The following COBLL1 variants were observed in gnomAD, a reference collection of about 807,000 sequenced individuals.
The protein encoded by COBLL1 is cordon-bleu WH2 repeat protein like 1, also known as cordon-bleu protein-like 1.
Under a neutral mutation model 94.8 loss-of-function variants are expected in COBLL1, and 50 were observed. That is an observed-to-expected ratio of 0.53 (90% CI 0.42 to 0.67). The LOEUF is 0.67. Among genes scored for constraint, COBLL1 ranks in the 30% least tolerant of loss-of-function variants. The probability of loss-of-function intolerance (pLI) is 0.00; values close to 1 mark genes in which losing one functional copy is unlikely to be tolerated. For synonymous variants in COBLL1, 448 were observed against 473.8 expected (o/e 0.95, Z 0.71); for missense variants, 1,362 against 1,348.7 (o/e 1.01, Z -0.15).
chr2:164,769,162 G>GA (rs1244771125), intron 2 of COBLL1, among the ~76,000 whole-genome samples: 7 of 150,162 alleles, frequency 4.7e-5, no homozygotes, highest in African/African-American at 9.8e-5. Flanking sequence ...TCCTAATTTT[G>GA]AAAAAAAAAT....
chr2:164,764,513 G>A lies in COBLL1; in HGVS notation c.42-20638C>T, dbSNP rs768649388. ...ATATTATCCAGCTGTCCACTTGAAC[G>A]TCATCACCCAGTAGCAAAGAGCATG... On this transcript the variant is annotated intron_variant, in intron 2 of 13. Transcript: ENST00000652658. Among the ~76,000 whole-genome samples the A allele has an allele frequency of 5.3e-5, 8 of 152,186 alleles. No homozygotes were observed. The East Asian group carries it at 7.7e-4, about 15-fold the overall frequency.
intron 3 of COBLL1, among the ~76,000 whole-genome samples, chr2:164,734,131 T>C (rs1017353535): frequency 1.3e-5 from 2 of 151,542 alleles, no homozygotes; most frequent in African/African-American, 2.4e-5. Context: ...CTGTAGTTTA[T>C]GAAGTTTATG....
chr2:164,775,485 T>C (rs1326402285), intron 2 of COBLL1, among the ~76,000 whole-genome samples: 1 of 152,124 alleles, frequency 6.6e-6, no homozygotes, highest in Non-Finnish European at 1.5e-5. Flanking sequence ...GTTTTTAAAA[T>C]GGAGTCTCAC....
At position 164,682,628 on chromosome 2, in the gene COBLL1, A is replaced by G. The variant is rs1683089324; in HGVS notation, c.*3318T>C. On this transcript the variant is annotated 3_prime_UTR_variant, in exon 14 of 14. Transcript: ENST00000652658. Reference sequence around the variant, plus strand: ...AAGGGTCACTCCTCAAAGAATAGGGAGTATATTAGGCAAATAATACCTGTT... The same window carrying G: ...AAGGGTCACTCCTCAAAGAATAGGGGGTATATTAGGCAAATAATACCTGTT... The G allele has an allele frequency of 6.6e-6, 1 of 152,206 alleles. No individual in the cohort carries two copies. The highest frequency in any genetic ancestry group is 2.4e-5 in the African/African-American group (1 of 41,460). The allele number at this position is 152,206 out of a possible 1,614,324, so 9.4% of individuals were successfully genotyped here.
intron 5 of COBLL1, among the ~76,000 whole-genome samples, chr2:164,727,406 G>A (rs1685769369): frequency 6.6e-6 from 1 of 151,982 alleles, no homozygotes; most frequent in South Asian, 2.1e-4. Flanking sequence ...CATTATCTAA[G>A]ATCTCCAAAT....
chr2:164,823,226 ATACTG>A lies in COBLL1; in HGVS notation c.41+17925_41+17929del, dbSNP rs369795263. ...ATTACTCCGTAAGTATAATTTCCAT[ATACTG>A]TATAGTAATATTTTCAATACAATTG... On this transcript the variant is annotated intron_variant, in intron 2 of 13. Transcript: ENST00000652658. 9.9e-5 allele frequency among the ~76,000 whole-genome samples: 15 copies of A among 152,252 alleles called. No homozygotes were observed. In the East Asian group the frequency reaches 2.5e-3, roughly 25 times the overall value.
At position 164,841,696 on chromosome 2, in the gene COBLL1, C is replaced by T. The variant is rs1683632241; in HGVS notation, c.-51+14G>A. 1 of 455,348 alleles carries T rather than the reference C, an allele frequency of 2.2e-6. No homozygotes were observed. The highest frequency in any genetic ancestry group is 3.8e-5 in the South Asian group (1 of 26,294). 28.2% of individuals were successfully genotyped at this position (455,348 alleles called of 1,614,324 possible). ...GGGAGGGCTGATCTCTCTTTTCCCA[C>T]CCAAGGCTCCTACGTTCTTTTCCAA... On this transcript the variant is annotated intron_variant, in intron 1 of 13. Transcript: ENST00000652658. This position sits in a 1 kb window ranked among gnomAD's most constrained non-coding sequence, Gnocchi z 5.5.
chr2:164,842,004 G>T, upstream of COBLL1: 1 of 1,540,116 alleles, frequency 6.5e-7, no homozygotes. Flanking sequence ...CGCCGCCTCT[G>T]CAGCACGGCC....
chr2:164,730,922 GT>G (rs1464106943), intron 3 of COBLL1, among the ~76,000 whole-genome samples: 2 of 152,182 alleles, frequency 1.3e-5, no homozygotes, highest in African/African-American at 4.8e-5. Flanking sequence ...TCATCCAAAG[GT>G]TATGAATATT....
In COBLL1 at chr2:164,695,212, G is replaced by T. The variant is rs753500318; in HGVS notation, c.2180C>A (p.Pro727His). The T allele has an allele frequency of 2.5e-6, 4 of 1,613,816 alleles. No homozygotes were observed. Among genetic ancestry groups the T allele is most frequent in the Non-Finnish European group, 1.7e-6 (2 of 1,179,922 alleles). The change falls in exon 12 of 14, where the codon CCC becomes CAC. Residue 727 changes from proline (P) to histidine (H), a missense_variant. Coordinates refer to ENST00000652658, the MANE Select transcript of COBLL1 (RefSeq NM_001365672.2). ...TTTATAAGTAGTCATGCCAATTTTG[G>T]GTATATACTCTCGTGTAATTTCATT... is the stretch of plus-strand genomic sequence containing the variant. Reference protein sequence around the residue: ...PSNEITREYIPKIGMTTYKIV... With the variant: ...PSNEITREYIHKIGMTTYKIV...
At chr2:164,705,461 T>G (rs1000563055) in intron 7 of COBLL1, 1 of 161,174 alleles carries the variant, frequency 6.2e-6, no homozygotes, top group East Asian at 1.7e-4. Flanking sequence ...ATTTGTATAG[T>G]AGTATTTGGC....
intron 2 of COBLL1, among the ~76,000 whole-genome samples, chr2:164,838,869 T>C (rs1292646286): frequency 6.6e-6 from 1 of 152,226 alleles, no homozygotes; most frequent in African/African-American, 2.4e-5. Context: ...AATTATAACA[T>C]ATTAAGATTT....
rs752024666 is a variant in COBLL1, at chr2:164,695,092, T to A, written c.2300A>T (p.Lys767Met). 1.2e-5 allele frequency: 20 copies of A among 1,613,634 alleles called. No individual in the cohort carries two copies. The highest frequency in any genetic ancestry group is 1.7e-5 in the Admixed American group (1 of 59,966). The change falls in exon 12 of 14, where the codon AAG (lysine) becomes ATG (methionine). Residue 767 changes from lysine to methionine, a missense_variant. Physicochemically the swap from Lys to Met is moderately conservative, Grantham distance 95. Coordinates refer to ENST00000652658, the MANE Select transcript of COBLL1 (RefSeq NM_001365672.2). ...DDQDMHALGK[K>M]HTHENVKETA... ...TTCTTTCACATTCTCATGAGTGTGC[T>A]TTTTCCCTAAAGCATGCATGTCCTG... is the stretch of plus-strand genomic sequence containing the variant.
chr2:164,730,906 C>A (rs932165508), intron 3 of COBLL1, among the ~76,000 whole-genome samples: 4 of 152,140 alleles, frequency 2.6e-5, no homozygotes, highest in East Asian at 1.9e-4. Context: ...AGTACAAATT[C>A]TTTAATCATC....
intron 2 of COBLL1, among the ~76,000 whole-genome samples, chr2:164,823,943 A>T (rs536081979): frequency 6.6e-6 from 1 of 152,330 alleles, no homozygotes; most frequent in African/African-American, 2.4e-5. Context: ...AAAATGCAGA[A>T]CACACATACA....
intron 2 of COBLL1, among the ~76,000 whole-genome samples, chr2:164,745,456 C>G (rs1224582827): frequency 6.6e-6 from 1 of 152,242 alleles, no homozygotes; most frequent in Non-Finnish European, 1.5e-5. Context: ...GGAAATTAAC[C>G]ACTCATGTAT....
chr2:164,775,601 T>A (rs1688425839), intron 2 of COBLL1, among the ~76,000 whole-genome samples: 2 of 152,196 alleles, frequency 1.3e-5, no homozygotes, highest in Admixed American at 1.3e-4. Context: ...TAGCTGGGAT[T>A]ACAGGCGTGT....
chr2:164,733,451 G>T (rs56345787), intron 3 of COBLL1, among the ~76,000 whole-genome samples: 15,864 of 152,170 alleles, frequency 0.1, 1,134 homozygotes, highest in Non-Finnish European at 0.15. Flanking sequence ...AGAGGCAACT[G>T]AAAACCACAG....
In COBLL1 at chr2:164,686,023, G is replaced by T; in HGVS notation, c.3310C>A (p.Pro1104Thr). ...CCATTCACAGATATTGTATTTGATG[G>T]AATGGTAACCTAAGAGAAAGAAACA... is the stretch of plus-strand genomic sequence containing the variant. ...AAAKLKRVTIPSNTISVNGRS... is the reference protein window; with the variant it reads ...AAAKLKRVTITSNTISVNGRS... Residue 1104 changes from proline to threonine, a missense_variant, in exon 14 of 14, where the codon CCA becomes ACA. Coordinates refer to ENST00000652658, the MANE Select transcript of COBLL1 (RefSeq NM_001365672.2). 6.3e-7 allele frequency: 1 copy of T among 1,591,612 alleles called. No individual in the cohort carries two copies. Among genetic ancestry groups the T allele is most frequent in the Admixed American group, 1.7e-5 (1 of 58,528 alleles).
Sources: gnomAD v4.1 joint callset for allele counts (sites outside exome capture counted in the v4.1 genomes callset) on GRCh38, gnomAD v4.1.1 for gene constraint, Gnocchi (gnomAD v3.1) non-coding constraint, MANE v1.5 for transcripts, NCBI Gene and HGNC (gene_info 2026-07-23, HGNC 2026-07-21) for gene names.